The following DPP10 variants were observed in gnomAD, a reference collection of about 807,000 sequenced individuals.
DPP10 encodes the protein inactive dipeptidyl peptidase 10.
A neutral mutation model predicts 120.9 loss-of-function variants in DPP10; 33 were observed. The ratio of observed to expected loss-of-function variants is 0.27; its 90% CI spans 0.21 to 0.37. The LOEUF is 0.37. Among genes scored for constraint, DPP10 ranks in the 10% least tolerant of loss-of-function variants. The pLI is 1.00. For missense variants in DPP10, 816 were observed against 942.8 expected, an observed-to-expected ratio of 0.87 and a Z score of 1.76; for synonymous variants, 337 against 326.1, an observed-to-expected ratio of 1.03 and a Z score of -0.36.
chr2:114,518,854 C>T (rs1420168230), intron 1 of DPP10, among the ~76,000 whole-genome samples: 2 of 152,204 alleles, frequency 1.3e-5, no homozygotes, highest in African/African-American at 2.4e-5. Flanking sequence ...TGCCAGTCAG[C>T]TCAGCTTTTC....
chr2:114,566,940 G>A (rs1689249283), intron 1 of DPP10, among the ~76,000 whole-genome samples: 1 of 152,142 alleles, frequency 6.6e-6, no homozygotes, highest in Admixed American at 6.5e-5. Flanking sequence ...ATACTCAGAA[G>A]CATCAAAAAT....
intron 1 of DPP10, among the ~76,000 whole-genome samples, chr2:114,495,133 T>G (rs1021885168): frequency 1.3e-5 from 2 of 152,104 alleles, no homozygotes; most frequent in Non-Finnish European, 2.9e-5. Flanking sequence ...GTAAAAAAAA[T>G]GTGAACGTTT....
intron 1 of DPP10, among the ~76,000 whole-genome samples, chr2:114,765,545 A>G (rs963469648): frequency 6.6e-6 from 1 of 152,214 alleles, no homozygotes; most frequent in Admixed American, 6.5e-5. Context: ...AGGCTTCAAA[A>G]GACACTCCTA....
In DPP10 at chr2:115,712,540, TTAAATATA is replaced by T. The variant is rs1249574341; in HGVS notation, c.577-15273_577-15266del. Among the ~76,000 whole-genome samples the T allele has an allele frequency of 1.4e-3, 26 of 18,062 alleles. 5 individuals are homozygous for T. Among genetic ancestry groups the T allele is most frequent in the South Asian group, 0.01 (3 of 292 alleles). 11.8% of individuals were successfully genotyped at this position (18,062 alleles called of 152,430 possible). ...AGAAATAGCTTTGAAGAGTCCTGAA[TTAAATATA>T]TATATATATATATATATAAAGAAAC... On this transcript the variant is annotated intron_variant, in intron 7 of 25. Coordinates refer to ENST00000410059, the MANE Select transcript of DPP10 (RefSeq NM_020868.6).
chr2:114,983,708 T>A (rs1700228583), intron 1 of DPP10, among the ~76,000 whole-genome samples: 1 of 152,138 alleles, frequency 6.6e-6, no homozygotes, highest in African/African-American at 2.4e-5. Context: ...AGCAAAATAA[T>A]GATAAAAGTA....
chr2:115,489,226 T>G (rs1335316422), intron 3 of DPP10, among the ~76,000 whole-genome samples: 1 of 151,972 alleles, frequency 6.6e-6, no homozygotes, highest in East Asian at 1.9e-4. Context: ...AATAAATAGA[T>G]GTAGCTGTGT....
intron 1 of DPP10, among the ~76,000 whole-genome samples, chr2:115,085,973 C>T (rs1056705134): frequency 2.0e-5 from 3 of 152,108 alleles, no homozygotes; most frequent in African/African-American, 4.8e-5. Flanking sequence ...TATATCGTGA[C>T]TTACTTTCCA....
intron 1 of DPP10, among the ~76,000 whole-genome samples, chr2:115,029,619 T>C (rs1019909732): frequency 5.3e-5 from 8 of 152,144 alleles, no homozygotes; most frequent in African/African-American, 1.9e-4. Context: ...CATTTTTTTC[T>C]TTCAGTGTTG....
At chr2:115,833,533 G>C (rs867339642) in intron 21 of DPP10, among the ~76,000 whole-genome samples, 3 of 152,038 alleles carry the variant, frequency 2.0e-5, no homozygotes, top group Admixed American at 6.6e-5. Context: ...CAGGTTCAAC[G>C]TACCTAATCT....
At chr2:115,333,728 CT>C (rs2062907580) in intron 2 of DPP10, among the ~76,000 whole-genome samples, 1 of 151,974 alleles carries the variant, frequency 6.6e-6, no homozygotes, top group Non-Finnish European at 1.5e-5. Context: ...AAATTCTTTT[CT>C]TTAGGAATGT....
At chr2:115,262,145 T>C (rs2059278848) in intron 1 of DPP10, among the ~76,000 whole-genome samples, 2 of 152,184 alleles carry the variant, frequency 1.3e-5, no homozygotes, top group South Asian at 4.1e-4. Flanking sequence ...CTCATATCTC[T>C]ATGTCTTTTA....
chr2:115,771,986 A>G (rs1289968447), intron 13 of DPP10, among the ~76,000 whole-genome samples: 1 of 151,758 alleles, frequency 6.6e-6, no homozygotes. Context: ...GTCACTACAT[A>G]TATTTTAGTG....
chr2:114,469,198 T>C (rs1662706969), intron 1 of DPP10, among the ~76,000 whole-genome samples: 1 of 152,206 alleles, frequency 6.6e-6, no homozygotes, highest in South Asian at 2.1e-4. Flanking sequence ...GTTACTGTTT[T>C]ATTCCATCAT....
At chr2:115,657,323 A>G (rs796592974) in intron 5 of DPP10, among the ~76,000 whole-genome samples, 2 of 151,834 alleles carry the variant, frequency 1.3e-5, no homozygotes, top group South Asian at 4.1e-4. Context: ...AGATTTTAAA[A>G]TCAGTCATTT....
chr2:115,474,929 G>A (rs1597192), intron 3 of DPP10, among the ~76,000 whole-genome samples: 40,785 of 152,116 alleles, frequency 0.27, 6,417 homozygotes, highest in East Asian at 0.41. Flanking sequence ...GCCAAGCCCA[G>A]GGCCCCACTG....
intron 11 of DPP10, among the ~76,000 whole-genome samples, chr2:115,754,617 G>A (rs1679169619): frequency 6.6e-6 from 1 of 152,062 alleles, no homozygotes; most frequent in Non-Finnish European, 1.5e-5. Flanking sequence ...AGGACAAAGT[G>A]TACATTTTTA....
intron 4 of DPP10, among the ~76,000 whole-genome samples, chr2:115,507,448 G>A (rs887386175): frequency 3.3e-5 from 5 of 152,158 alleles, no homozygotes; most frequent in Non-Finnish European, 5.9e-5. Flanking sequence ...AACATAGGGT[G>A]AGGTCTAGAG....
chr2:114,890,771 T>A (rs1007853460), intron 1 of DPP10, among the ~76,000 whole-genome samples: 22 of 152,206 alleles, frequency 1.4e-4, no homozygotes, highest in African/African-American at 4.3e-4. Context: ...CTATCCTATT[T>A]ATTGAGAATT....
intron 1 of DPP10, among the ~76,000 whole-genome samples, chr2:114,800,796 G>A (rs765713108): frequency 3.9e-5 from 6 of 152,148 alleles, no homozygotes; most frequent in Non-Finnish European, 5.9e-5. Context: ...CAGGTCTTAT[G>A]TGATCCTGAA....
Sources: allele counts gnomAD v4.1 joint callset (sites outside exome capture counted in the v4.1 genomes callset), GRCh38; gene constraint gnomAD v4.1.1; transcripts MANE v1.5; gene names NCBI Gene and HGNC (gene_info 2026-07-23, HGNC 2026-07-21).